ZNF844: variants seen among roughly 807,000 people sequenced by gnomAD.
ZNF844 encodes the protein zinc finger protein 844.
In ZNF844, 11 loss-of-function variants were observed where a neutral mutation model predicts 11.4. The observed-to-expected ratio is 0.97, with a 90% CI of 0.61 to 1.60. The LOEUF is 1.60. Ranked by LOEUF, ZNF844 falls within the 40% of genes most tolerant of loss-of-function variation. The pLI, the probability that ZNF844 is intolerant of heterozygous loss-of-function variation, is 0.00. For missense variants in ZNF844, 790 were observed against 796.8 expected (o/e 0.99, Z 0.10); for synonymous variants, 248 against 260.3 (o/e 0.95, Z 0.46).
Position 12,064,804 on chromosome 19 carries a change from C to T in ZNF844, c.-70C>T. On this transcript the variant is annotated 5_prime_UTR_variant, in exon 1 of 4. Transcript: ENST00000439326. ...CTCTGAGAGGGACCGGTTGCCACCGCCATACTTCTGTCGCCCTGTCGTCTG... is the reference window on the plus strand; with the variant it reads ...CTCTGAGAGGGACCGGTTGCCACCGTCATACTTCTGTCGCCCTGTCGTCTG... 2 of 1,533,130 alleles carry T rather than the reference C, an allele frequency of 1.3e-6. No homozygotes were observed. Among genetic ancestry groups the T allele is most frequent in the Admixed American group, 2.0e-5 (1 of 49,842 alleles). The allele number at this position is 1,533,130 out of a possible 1,614,324, so 95.0% of individuals were successfully genotyped here.
chr19:12,072,439 T>C (rs922338057), intron 1 of ZNF844, among the ~76,000 whole-genome samples: 3 of 152,114 alleles, frequency 2.0e-5, no homozygotes, highest in Non-Finnish European at 4.4e-5. Context: ...AAATTTTTTT[T>C]TTTTTTGCTA....
At chr19:12,075,281 C>G in intron 3 of ZNF844, 31 bp from the exon 4 acceptor site, 1 of 1,337,820 alleles carries the variant, frequency 7.5e-7, no homozygotes, top group South Asian at 2.3e-5. Context: ...TATAAACAAA[C>G]CTTCAATAAT....
intron 1 of ZNF844, chr19:12,070,107 A>G (rs1975738292): frequency 6.6e-6 from 1 of 151,656 alleles, no homozygotes; most frequent in Non-Finnish European, 1.5e-5. Context: ...AAAAGGAAAA[A>G]AAAAAAAAGA....
intron 1 of ZNF844, 35 bp downstream of exon 1, chr19:12,064,911 TG>T (rs756303388): frequency 1.3e-6 from 2 of 1,547,624 alleles, no homozygotes; most frequent in Non-Finnish European, 1.7e-6. Flanking sequence ...TCCCGAGACT[TG>T]GGGGAGGGTA....
At chr19:12,064,978 C>T (rs529096651) in intron 1 of ZNF844, 102 bp downstream of exon 1, 2 of 1,318,836 alleles carry the variant, frequency 1.5e-6, no homozygotes, top group Non-Finnish European at 1.0e-6. Flanking sequence ...CGGACCTCCC[C>T]GCGGCGACTC....
intron 1 of ZNF844, among the ~76,000 whole-genome samples, chr19:12,068,135 C>T (rs1356222585): frequency 1.3e-5 from 2 of 151,976 alleles, no homozygotes; most frequent in South Asian, 2.1e-4. Context: ...ATGGTAGAAC[C>T]TCATCTTAAC....
In ZNF844 at chr19:12,076,327, G is replaced by C. The variant is rs544165783; in HGVS notation, c.1207G>C (p.Val403Leu). ...NASTVVKPSI[V>L]PVPFTIMKGL... ...AAGCACTGTGGTAAAGCCTTCAATC[G>C]TTCCAGTTCCTTTCACTATCATGAA... The change falls in exon 4 of 4, where the codon GTT becomes CTT. Residue 403 changes from valine to leucine, a missense_variant. Around this residue, in one of 3 missense-constraint regions of ZNF844, gnomAD observed 657 missense variants for 636.2 expected, o/e 1.03. Coordinates refer to ENST00000439326, the MANE Select transcript of ZNF844 (RefSeq NM_001136501.3). 6.2e-7 allele frequency: 1 copy of C among 1,613,176 alleles called. No homozygotes were observed. The highest frequency in any genetic ancestry group is 8.5e-7 in the Non-Finnish European group (1 of 1,179,656).
rs1363229350 is a variant in ZNF844 at position 12,077,118 on chromosome 19, G to A, written c.1998G>A (p.Glu666=). Residue 666 remains glutamate, a synonymous_variant, in exon 4 of 4, where the codon GAG becomes GAA. Transcript: ENST00000439326. ...TAGACATAAAAGGGCTCACACTGGA[G>A]TGAAACCGTATGAATGCAAGGAATG... is the stretch of plus-strand genomic sequence containing the variant. ...PFVDIKGLTL[E] is the part of the protein sequence containing the mutation. 6.3e-7 allele frequency: 1 copy of A among 1,599,148 alleles called. No homozygotes were observed. Among genetic ancestry groups the A allele is most frequent in the Non-Finnish European group, 8.5e-7 (1 of 1,172,478 alleles).
At chr19:12,074,194 A>T (rs904780885) in intron 2 of ZNF844, 37 bp downstream of exon 2, 1 of 1,611,184 alleles carries the variant, frequency 6.2e-7, no homozygotes. Context: ...AGTGAATGAG[A>T]CAAGTGTTTC....
chr19:12,075,709 T>TA lies in ZNF844; in HGVS notation c.590dup (p.Tyr197Ter). The change falls in exon 4 of 4, where the codon TAT (tyrosine) becomes TAAT (stop). Residue 197 changes from tyrosine to a stop codon, truncating the protein, a stop_gained and frameshift_variant. Coordinates refer to ENST00000439326, the MANE Select transcript of ZNF844 (RefSeq NM_001136501.3). LOFTEE classifies it low-confidence loss of function (END_TRUNC). ...GATAATGCACAATGGAGATGGAACT[T>TA]ATAAATGTAAGTTTTGTGGGAAAGC... The part of the protein sequence containing the change: ...HMIMHNGDGT[Y>*]KCKFCGKACP... 1.2e-6 allele frequency: 2 copies of TA among 1,613,868 alleles called. No homozygotes were observed. Among genetic ancestry groups the TA allele is most frequent in the African/African-American group, 2.7e-5 (2 of 75,030 alleles).
rs1975853812 is a variant in ZNF844, at chr19:12,078,188, G to A, written c.*1067G>A. ...GTCTTGTTCTGTTGCCCAGGCTGGA[G>A]TGCAGTGGCATGATCTCGCCTCCGG... is the stretch of plus-strand genomic sequence containing the variant. On this transcript the variant is annotated 3_prime_UTR_variant, in exon 4 of 4. Coordinates refer to ENST00000439326, the MANE Select transcript of ZNF844 (RefSeq NM_001136501.3). The A allele has an allele frequency of 6.6e-6, 1 of 152,398 alleles. No individual in the cohort carries two copies. The highest frequency in any genetic ancestry group is 1.5e-5 in the Non-Finnish European group (1 of 68,396). 9.4% of individuals were successfully genotyped at this position (152,398 alleles called of 1,614,324 possible).
chr19:12,074,087 G>A lies in ZNF844; in HGVS notation c.60G>A (p.Leu20=). 1 of 1,613,706 alleles carries A rather than the reference G, an allele frequency of 6.2e-7. No individual in the cohort carries two copies. Among genetic ancestry groups the A allele is most frequent in the African/African-American group, 1.3e-5 (1 of 75,018 alleles). The change falls in exon 2 of 4, where the codon TTG becomes TTA. Residue 20 remains leucine (L), a synonymous_variant. Transcript: ENST00000439326. ...ACTTCACCCAGGAGGAGTGGTCTTTGCTGGATCCTTCCCAGAAGAATCTCT... is the reference window on the plus strand; with the variant it reads ...ACTTCACCCAGGAGGAGTGGTCTTTACTGGATCCTTCCCAGAAGAATCTCT... ...AVNFTQEEWS[L]LDPSQKNLYR... is the part of the protein sequence containing the mutation.
At chr19:12,070,181 G>A (rs7248116) in intron 1 of ZNF844, 23,269 of 150,318 alleles carry the variant, frequency 0.15, 3,032 homozygotes, top group African/African-American at 0.36. Flanking sequence ...GTCATGCCAC[G>A]CTGAACACAT....
rs1272716040 is a variant in ZNF844, at chr19:12,074,158, G to GT, written c.130+2dup. The GT allele has an allele frequency of 6.2e-7, 1 of 1,613,584 alleles. No homozygotes were observed. The highest frequency in any genetic ancestry group is 1.7e-5 in the Admixed American group (1 of 59,874). ...ACCTTGAGGAATCTGGCCTCCATAG[G>GT]TAAGAATGACAGTATTACGTCCCCC... On this transcript the variant is annotated splice_donor_variant, in intron 2 of 3. Transcript: ENST00000439326. LOFTEE classifies it high-confidence loss of function.
Position 12,073,970 on chromosome 19 carries a change from G to T in ZNF844, c.4-61G>T, listed in dbSNP as rs10408771. The T allele has an allele frequency of 2.8e-3, 4,438 of 1,569,422 alleles. 126 individuals carry two copies. In the African/African-American group the frequency reaches 0.054, roughly 19 times the overall value. On this transcript the variant is annotated intron_variant, in intron 1 of 3. Transcript: ENST00000439326. ...ATCATGGGAACTTCTTAGGAAGAGG[G>T]TATAGACCCCCAGTGCTGTCAGTCT...
In ZNF844 at chr19:12,078,986, A is replaced by G. The variant is rs1975862634; in HGVS notation, c.*1865A>G. 6.6e-6 allele frequency: 1 copy of G among 152,114 alleles called. No homozygotes were observed. Among genetic ancestry groups the G allele is most frequent in the Non-Finnish European group, 1.5e-5 (1 of 68,096 alleles). 9.4% of individuals were successfully genotyped at this position (152,114 alleles called of 1,614,324 possible). A position where few individuals can be genotyped will look rare whatever the true frequency, so the allele number is the denominator to read the frequency against. ...TGCCCCAGCCTCCCAAGTAGCTGGG[A>G]TTACAGGTGACCGCCACCACGCCCA... is the stretch of plus-strand genomic sequence containing the variant. On this transcript the variant is annotated 3_prime_UTR_variant, in exon 4 of 4. Transcript: ENST00000439326.
At position 12,080,986 on chromosome 19, in the gene ZNF844, C is replaced by G. The variant is rs922091872; in HGVS notation, c.*3865C>G. The G allele has an allele frequency of 6.6e-6, 1 of 152,218 alleles. No individual in the cohort carries two copies. The highest frequency in any genetic ancestry group is 2.4e-5 in the African/African-American group (1 of 41,420). 9.4% of individuals were successfully genotyped at this position (152,218 alleles called of 1,614,324 possible). The stretch of plus-strand genomic sequence containing the variant: ...AGCAAGCTGGTCTTAAACTCCTGAC[C>G]TCAAGTGATCCGTCTGTCTTGGCCT... On this transcript the variant is annotated 3_prime_UTR_variant, in exon 4 of 4. Transcript: ENST00000439326.
At chr19:12,072,858 T>A (rs1298053385) in intron 1 of ZNF844, among the ~76,000 whole-genome samples, 2 of 152,188 alleles carry the variant, frequency 1.3e-5, no homozygotes, top group Non-Finnish European at 2.9e-5. Flanking sequence ...GTGCTGGGAT[T>A]ACAGGCATGA....
rs767875172 is a variant in ZNF844 at position 12,075,799 on chromosome 19, T to G, written c.679T>G (p.Cys227Gly). ...RVHTGEKPYK[C>G]KQCGKAFSYS... is the part of the protein sequence containing the mutation. Reference sequence around the variant, plus strand: ...TCACACTGGAGAGAAACCATATAAATGTAAACAATGTGGTAAAGCCTTTAG... The same window carrying G: ...TCACACTGGAGAGAAACCATATAAAGGTAAACAATGTGGTAAAGCCTTTAG... The change falls in exon 4 of 4, where the codon TGT becomes GGT. Residue 227 changes from cysteine to glycine, a missense_variant. Around this residue, in one of 3 missense-constraint regions of ZNF844, gnomAD observed 657 missense variants for 636.2 expected, o/e 1.03. Coordinates refer to ENST00000439326, the MANE Select transcript of ZNF844 (RefSeq NM_001136501.3). 6.3e-5 allele frequency: 102 copies of G among 1,611,906 alleles called. No homozygotes were observed. The highest frequency in any genetic ancestry group is 8.5e-5 in the Non-Finnish European group (100 of 1,179,070).
Sources: allele counts gnomAD v4.1 joint callset (sites outside exome capture counted in the v4.1 genomes callset), GRCh38; gene constraint gnomAD v4.1.1; regional missense constraint gnomAD v4.1.1; transcripts MANE v1.5; gene names NCBI Gene and HGNC (gene_info 2026-07-23, HGNC 2026-07-21).